ASAP1: variants seen among roughly 807,000 people sequenced by gnomAD.
ASAP1 encodes the protein ArfGAP with SH3 domain, ankyrin repeat and PH domain 1.
ASAP1 carries 43 observed loss-of-function variants against 145.2 expected under a neutral mutation model. That is an observed-to-expected ratio of 0.30 (90% CI 0.23 to 0.38). The LOEUF (loss-of-function observed/expected upper bound fraction) is 0.38. ASAP1 is among the 10% of genes least tolerant of loss of function. The pLI is 1.00. For missense variants in ASAP1, 1,018 were observed against 1,355.3 expected, an observed-to-expected ratio of 0.75 and a Z score of 3.91; for synonymous variants, 546 against 515.5, an observed-to-expected ratio of 1.06 and a Z score of -0.80.
chr8:130,430,273 T>C (rs116573506), intron 1 of ASAP1, among the ~76,000 whole-genome samples: 124 of 152,326 alleles, frequency 8.1e-4, no homozygotes, highest in African/African-American at 2.7e-3. Context: ...TATGAAGGAC[T>C]CACCAAGATG....
intron 29 of ASAP1, 86 bp from the exon 30 acceptor site, chr8:130,054,891 C>G (rs2097400304): frequency 6.6e-6 from 7 of 1,054,014 alleles, no homozygotes; most frequent in Non-Finnish European, 1.0e-5. Context: ...CCAGCCTAGT[C>G]TGCCCACAGA....
chr8:130,157,848 C>G (rs1204185964), intron 12 of ASAP1, among the ~76,000 whole-genome samples: 4 of 152,186 alleles, frequency 2.6e-5, no homozygotes, highest in African/African-American at 9.6e-5. Context: ...CCCCACACCA[C>G]CTGCATCTCT....
At chr8:130,394,333 T>A (rs1042773598) in intron 2 of ASAP1, among the ~76,000 whole-genome samples, 4 of 152,296 alleles carry the variant, frequency 2.6e-5, no homozygotes, top group Admixed American at 2.6e-4. Context: ...TGTGGCCATC[T>A]TCTATGGTCG....
intron 4 of ASAP1, among the ~76,000 whole-genome samples, chr8:130,222,569 T>C (rs887332307): frequency 2.6e-5 from 4 of 152,216 alleles, no homozygotes; most frequent in African/African-American, 7.2e-5. Flanking sequence ...TACTAGAATA[T>C]TGTGTGCCAC....
rs1321503794 is a variant in ASAP1 at position 130,214,585 on chromosome 8, T to C, written c.376A>G (p.Lys126Glu). The C allele has an allele frequency of 1.2e-6, 2 of 1,612,196 alleles. No homozygotes were observed. The highest frequency in any genetic ancestry group is 2.2e-5 in the East Asian group (1 of 44,838). ...TTTTTCAGCAGTGTGGACAGTTCCT[T>C]TGTAAGAGTAGAAAACTTGACAAAC... ...TAFVKFSTLT[K>E]ELSTLLKNLL... The change falls in exon 5 of 30, where the codon AAG becomes GAG. Residue 126 changes from lysine (K) to glutamate (E), a missense_variant. Around this residue, in one of 9 missense-constraint regions of ASAP1, gnomAD observed 78 missense variants for 161.0 expected, o/e 0.48. Coordinates refer to ENST00000518721, the MANE Select transcript of ASAP1 (RefSeq NM_018482.4).
At chr8:130,092,591 C>T (rs148945117) in intron 24 of ASAP1, among the ~76,000 whole-genome samples, 221 of 152,196 alleles carry the variant, frequency 1.5e-3, no homozygotes, top group African/African-American at 5.2e-3. Flanking sequence ...TATGCCACTG[C>T]GCTCCAGCCT....
chr8:130,171,402 T>C (rs1427204346), intron 9 of ASAP1, among the ~76,000 whole-genome samples: 1 of 152,102 alleles, frequency 6.6e-6, no homozygotes, highest in Non-Finnish European at 1.5e-5. Flanking sequence ...CTTACAACCA[T>C]GGCAGAAGGC....
At chr8:130,237,019 G>A (rs528506295) in intron 3 of ASAP1, 25 bp from the exon 4 acceptor site, 2 of 1,487,480 alleles carry the variant, frequency 1.3e-6, no homozygotes, top group Non-Finnish European at 1.8e-6. Context: ...AGGGGGAAAA[G>A]ATATTAGAAG....
chr8:130,388,057 C>T (rs1828104893), intron 2 of ASAP1, among the ~76,000 whole-genome samples: 1 of 152,158 alleles, frequency 6.6e-6, no homozygotes, highest in South Asian at 2.1e-4. Context: ...TGTCTGAGGA[C>T]ATAGCATTTA....
At chr8:130,180,439 T>C (rs1814276326) in intron 8 of ASAP1, among the ~76,000 whole-genome samples, 1 of 152,212 alleles carries the variant, frequency 6.6e-6, no homozygotes, top group South Asian at 2.1e-4. Flanking sequence ...CAATAAAACT[T>C]AATATTCACC....
intron 3 of ASAP1, among the ~76,000 whole-genome samples, chr8:130,348,734 T>C (rs973313766): frequency 2.0e-5 from 3 of 152,172 alleles, no homozygotes; most frequent in Non-Finnish European, 2.9e-5. Flanking sequence ...CTAACCAAAA[T>C]AGAATTTCTT....
chr8:130,264,470 T>TA (rs1040830935), intron 3 of ASAP1, among the ~76,000 whole-genome samples: 2 of 152,182 alleles, frequency 1.3e-5, no homozygotes, highest in Non-Finnish European at 2.9e-5. Context: ...TCTGCCTGCT[T>TA]AGATACCAAT....
intron 3 of ASAP1, among the ~76,000 whole-genome samples, chr8:130,351,763 C>T (rs1311604884): frequency 2.0e-5 from 3 of 152,178 alleles, no homozygotes; most frequent in Admixed American, 6.5e-5. Flanking sequence ...AGGCATCCGC[C>T]CCCACGATCC....
chr8:130,210,670 A>G (rs1816524756), intron 5 of ASAP1, among the ~76,000 whole-genome samples: 1 of 152,160 alleles, frequency 6.6e-6, no homozygotes, highest in African/African-American at 2.4e-5. Flanking sequence ...ATAATCCATC[A>G]AGGCAATGTA....
chr8:130,301,339 G>A (rs909050010), intron 3 of ASAP1, among the ~76,000 whole-genome samples: 2 of 152,088 alleles, frequency 1.3e-5, no homozygotes, highest in South Asian at 4.1e-4. Context: ...TCTGAGAAAC[G>A]ATGGAAATCC....
intron 1 of ASAP1, among the ~76,000 whole-genome samples, chr8:130,430,827 C>T (rs760741157): frequency 5.9e-5 from 9 of 152,186 alleles, no homozygotes; most frequent in Non-Finnish European, 8.8e-5. Context: ...AGTCTTCTCT[C>T]TTCTCAAGCT....
intron 3 of ASAP1, among the ~76,000 whole-genome samples, chr8:130,312,592 ATC>A (rs1407002525): frequency 6.6e-6 from 1 of 152,206 alleles, no homozygotes; most frequent in Non-Finnish European, 1.5e-5. Context: ...CACAGGCATT[ATC>A]TCACTGAACC....
chr8:130,093,588 A>G (rs904579323), intron 24 of ASAP1, among the ~76,000 whole-genome samples: 13 of 142,446 alleles, frequency 9.1e-5, no homozygotes, highest in African/African-American at 3.1e-4. Context: ...AATCGCTTGA[A>G]CCCAGGAAGT....
rs781413257 is a variant in ASAP1 at position 130,208,571 on chromosome 8, TA to T, written c.405+5984del. 5 of 151,846 alleles carry T rather than the reference TA, an allele frequency of 3.3e-5. No individual in the cohort carries two copies. The South Asian group carries it at 1.0e-3, about 32-fold the overall frequency. 9.4% of individuals were successfully genotyped at this position (151,846 alleles called of 1,614,324 possible). ...CTTTTTTTTTTTCACTTTAAGGCAA[TA>T]AAAGCTTACAGGGGTATAAAGAACG... On this transcript the variant is annotated intron_variant, in intron 5 of 29. Transcript: ENST00000518721.
Sources: gnomAD v4.1 joint callset for allele counts (sites outside exome capture counted in the v4.1 genomes callset) on GRCh38, gnomAD v4.1.1 for gene constraint, gnomAD v4.1.1 regional missense constraint, MANE v1.5 for transcripts, NCBI Gene and HGNC (gene_info 2026-07-23, HGNC 2026-07-21) for gene names.